Variants in DCC observed in about 807,000 individuals in gnomAD.
DCC encodes DCC netrin 1 receptor.
A neutral mutation model predicts 172.5 loss-of-function variants in DCC; 58 were observed. That is an observed-to-expected ratio of 0.34 (90% confidence interval 0.27 to 0.42). DCC has a LOEUF of 0.42. DCC is among the 10% of genes least tolerant of loss of function. The pLI is 1.00. For missense variants in DCC, 1,740 were observed against 1,791.0 expected (o/e 0.97, Z 0.51); for synonymous variants, 709 against 644.5 (o/e 1.10, Z -1.52).
intron 28 of DCC, among the ~76,000 whole-genome samples, chr18:53,527,364 G>A (rs920575586): frequency 6.6e-6 from 1 of 151,542 alleles, no homozygotes; most frequent in African/African-American, 2.4e-5. Flanking sequence ...GACTATAGGT[G>A]CACATTACTA....
At chr18:53,029,380 C>T (rs1449053126) in intron 5 of DCC, among the ~76,000 whole-genome samples, 3 of 152,152 alleles carry the variant, frequency 2.0e-5, no homozygotes, top group Non-Finnish European at 4.4e-5. Flanking sequence ...CAATGGCATA[C>T]AATAAATGTT....
intron 5 of DCC, among the ~76,000 whole-genome samples, chr18:52,934,159 G>A (rs1020201370): frequency 2.0e-5 from 3 of 151,832 alleles, no homozygotes; most frequent in Non-Finnish European, 4.4e-5. Context: ...TAGTCCCTAC[G>A]TAGTTCTCAT....
chr18:53,413,332 G>GA (rs1468571427), intron 20 of DCC, among the ~76,000 whole-genome samples: 20 of 152,112 alleles, frequency 1.3e-4, no homozygotes, highest in Admixed American at 6.6e-5. Context: ...GACCAGTATA[G>GA]AAAAAAGTTC....
At chr18:52,373,887 C>CTTTTTTTTTTTTTTTTTTTTTTTTTTT (rs779518696) in intron 1 of DCC, among the ~76,000 whole-genome samples, 2 of 141,114 alleles carry the variant, frequency 1.4e-5, no homozygotes, top group Non-Finnish European at 1.5e-5. Context: ...TTGGTTGCAT[C>CTTTTTTTTTTTTTTTTTTTTTTTTTTT]ATTTTTTTTT....
intron 8 of DCC, among the ~76,000 whole-genome samples, chr18:53,157,768 T>G (rs1390968610): frequency 2.0e-5 from 3 of 152,146 alleles, no homozygotes; most frequent in Non-Finnish European, 2.9e-5. Flanking sequence ...ATTTCTTTGG[T>G]TTTCAGAGTC....
intron 1 of DCC, among the ~76,000 whole-genome samples, chr18:52,491,162 T>G (rs554818604): frequency 6.6e-6 from 1 of 152,160 alleles, no homozygotes; most frequent in South Asian, 2.1e-4. Context: ...TCTCTTTATC[T>G]TACCCCATTT....
At chr18:53,083,071 T>C (rs887236515) in intron 7 of DCC, among the ~76,000 whole-genome samples, 1 of 152,144 alleles carries the variant, frequency 6.6e-6, no homozygotes, top group African/African-American at 2.4e-5. Flanking sequence ...CAAGTCATTA[T>C]TGGCCAGAAC....
chr18:53,466,930 C>T lies in DCC; in HGVS notation c.3620-964C>T, dbSNP rs942372549. Reference sequence around the variant, plus strand: ...TCCATGACTTCACCTATGTGGACTTCTCCCAGTATAATTTTTTATTTTAAA... The same window carrying T: ...TCCATGACTTCACCTATGTGGACTTTTCCCAGTATAATTTTTTATTTTAAA... On this transcript the variant is annotated intron_variant, in intron 24 of 28. Transcript: ENST00000442544. Among the ~76,000 whole-genome samples, 7 of 152,158 alleles carry T rather than the reference C, an allele frequency of 4.6e-5. No individual in the cohort carries two copies. The South Asian group carries it at 8.3e-4, about 18-fold the overall frequency.
chr18:52,672,800 G>C (rs919712409), intron 1 of DCC, among the ~76,000 whole-genome samples: 18 of 152,116 alleles, frequency 1.2e-4, no homozygotes, highest in Admixed American at 8.5e-4. Flanking sequence ...GGGTACCAAG[G>C]CTTGTGCCTA....
At chr18:53,057,527 C>A (rs1416512739) in intron 5 of DCC, among the ~76,000 whole-genome samples, 1 of 152,034 alleles carries the variant, frequency 6.6e-6, no homozygotes, top group African/African-American at 2.4e-5. Flanking sequence ...TTGCAAAGGT[C>A]CTAGGAAACC....
At chr18:53,226,760 A>C (rs2056034968) in intron 12 of DCC, among the ~76,000 whole-genome samples, 6 of 151,726 alleles carry the variant, frequency 4.0e-5, no homozygotes. Context: ...AGAGTTCTGC[A>C]ACCATTAGGA....
intron 15 of DCC, among the ~76,000 whole-genome samples, chr18:53,385,543 GCCCAGTGCTAGAGAGGA>G (rs1908100416): frequency 6.6e-6 from 1 of 152,058 alleles, no homozygotes; most frequent in Admixed American, 6.6e-5. Flanking sequence ...CCCAGTTTGG[GCCCAGTGCTAGAGAGGA>G]GACTTTGCAG....
intron 2 of DCC, among the ~76,000 whole-genome samples, chr18:52,768,492 C>G (rs1051805912): frequency 3.9e-5 from 6 of 152,150 alleles, no homozygotes; most frequent in African/African-American, 1.4e-4. Context: ...CTATGCTGCC[C>G]TCAACATTTC....
chr18:53,404,687 C>T (rs1004064934), intron 19 of DCC, among the ~76,000 whole-genome samples: 3 of 151,258 alleles, frequency 2.0e-5, no homozygotes, highest in East Asian at 1.9e-4. Flanking sequence ...GCCCCGTTCG[C>T]GCTACTGCAC....
chr18:52,492,682 A>G (rs976514990), intron 1 of DCC, among the ~76,000 whole-genome samples: 6 of 152,116 alleles, frequency 3.9e-5, no homozygotes, highest in East Asian at 1.9e-4. Context: ...AGAACTGAGC[A>G]ACTGAGACTT....
At chr18:53,321,975 C>G (rs953287485) in intron 13 of DCC, 72 bp from the exon 14 acceptor site, 2 of 841,526 alleles carry the variant, frequency 2.4e-6, no homozygotes, top group Non-Finnish European at 4.2e-6. Flanking sequence ...TTTGCTGAAG[C>G]TTTTGGAAAC....
chr18:53,046,831 C>T (rs1196608005), intron 5 of DCC, among the ~76,000 whole-genome samples: 1 of 151,752 alleles, frequency 6.6e-6, no homozygotes, highest in African/African-American at 2.4e-5. Context: ...AATAGGAAAC[C>T]GAAATCCAGG....
intron 5 of DCC, among the ~76,000 whole-genome samples, chr18:52,991,444 T>C (rs2041390597): frequency 6.6e-6 from 1 of 152,156 alleles, no homozygotes; most frequent in South Asian, 2.1e-4. Context: ...GTGTGAGTAA[T>C]AGCAGATTTG....
At chr18:52,673,300 T>C (rs1023208157) in intron 1 of DCC, among the ~76,000 whole-genome samples, 1 of 152,214 alleles carries the variant, frequency 6.6e-6, no homozygotes, top group East Asian at 1.9e-4. Context: ...TCACATTTCA[T>C]TTAGTTGTCA....
Sources: gnomAD v4.1 joint callset for allele counts (sites outside exome capture counted in the v4.1 genomes callset) on GRCh38, gnomAD v4.1.1 for gene constraint, MANE v1.5 for transcripts, NCBI Gene and HGNC (gene_info 2026-07-23, HGNC 2026-07-21) for gene names.